Variants in SARDH observed in about 807,000 individuals in gnomAD.
SARDH encodes sarcosine dehydrogenase, also known as sarcosine dehydrogenase, mitochondrial.
Under a neutral mutation model 109.1 loss-of-function variants are expected in SARDH, and 95 were observed. The ratio of observed to expected loss-of-function variants is 0.87; its 90% CI spans 0.74 to 1.03. SARDH has a LOEUF of 1.03. Ranked by LOEUF, SARDH falls within the 50% of genes least tolerant of loss-of-function variation. SARDH has a pLI of 0.00. For synonymous variants in SARDH, 572 were observed against 534.8 expected (o/e 1.07, Z -0.96); for missense variants, 1,267 against 1,287.8 (o/e 0.98, Z 0.25).
chr9:133,659,744 C>T (rs912585668), downstream of SARDH, among the ~76,000 whole-genome samples: 1 of 152,134 alleles, frequency 6.6e-6, no homozygotes, highest in African/African-American at 2.4e-5. Flanking sequence ...TCTTGTGGTC[C>T]ATAAGTCACG....
chr9:133,679,981 G>A (rs748945697), intron 17 of SARDH, among the ~76,000 whole-genome samples: 2 of 152,208 alleles, frequency 1.3e-5, no homozygotes, highest in Non-Finnish European at 2.9e-5. Flanking sequence ...CTGGTTGGCT[G>A]GAACCCAACT....
chr9:133,663,762 G>C lies in SARDH; in HGVS notation c.*127C>G. 3.7e-6 allele frequency: 5 copies of C among 1,349,490 alleles called. No individual in the cohort carries two copies. The South Asian group carries it at 6.9e-5, about 19-fold the overall frequency. The allele number at this position is 1,349,490 out of a possible 1,614,324, so 83.6% of individuals were successfully genotyped here. Reference sequence around the variant, plus strand: ...GTATCTGGTTTGGGGGTTTTCGCAGGACTAGGCCTAGGCTAAGGACAGGGA... The same window carrying C: ...GTATCTGGTTTGGGGGTTTTCGCAGCACTAGGCCTAGGCTAAGGACAGGGA... On this transcript the variant is annotated 3_prime_UTR_variant, in exon 21 of 21. Transcript: ENST00000439388.
At chr9:133,736,645 C>T (rs1832895848) in intron 1 of SARDH, among the ~76,000 whole-genome samples, 1 of 152,232 alleles carries the variant, frequency 6.6e-6, no homozygotes, top group Non-Finnish European at 1.5e-5. Flanking sequence ...ATCCGCCTGC[C>T]TCGGCCTCCC....
chr9:133,696,111 G>C, intron 14 of SARDH, 112 bp downstream of exon 14: 1 of 1,320,620 alleles, frequency 7.6e-7, no homozygotes, highest in Non-Finnish European at 1.1e-6. Context: ...AGGGCAAGGA[G>C]CAGTGTGCTC....
chr9:133,734,858 C>G (rs1450353423), intron 1 of SARDH, among the ~76,000 whole-genome samples: 3 of 152,192 alleles, frequency 2.0e-5, no homozygotes, highest in African/African-American at 7.2e-5. Context: ...CCTTTCGGAG[C>G]TCAAGATGCT....
chr9:133,698,245 T>C (rs1831361203), intron 13 of SARDH, among the ~76,000 whole-genome samples: 1 of 152,160 alleles, frequency 6.6e-6, no homozygotes, highest in East Asian at 1.9e-4. Flanking sequence ...TCCTAAAATC[T>C]AGATTTTTTG....
rs1829973852 is a variant in SARDH at position 133,664,089 on chromosome 9, G to A, written c.2632-75C>T. On this transcript the variant is annotated intron_variant, in intron 20 of 20. Transcript: ENST00000439388. ...GCTCACGTCTGCCTGCTTCTCTGGAGGAGGGGGTCTTGGTCTTGCTACCTG... is the reference window on the plus strand; with the variant it reads ...GCTCACGTCTGCCTGCTTCTCTGGAAGAGGGGGTCTTGGTCTTGCTACCTG... 1.9e-6 allele frequency: 3 copies of A among 1,562,294 alleles called. No individual in the cohort carries two copies. The African/African-American group carries it at 4.1e-5, about 21-fold the overall frequency.
intron 8 of SARDH, 121 bp downstream of exon 8, chr9:133,717,205 G>GA: frequency 7.9e-7 from 1 of 1,266,062 alleles, no homozygotes; most frequent in Non-Finnish European, 1.1e-6. Context: ...CAGCGAGAGG[G>GA]ACCGGGGACA....
chr9:133,707,966 GC>G (rs1181185096), intron 11 of SARDH, among the ~76,000 whole-genome samples: 1 of 152,092 alleles, frequency 6.6e-6, no homozygotes, highest in Non-Finnish European at 1.5e-5. Context: ...CCAAGACCCC[GC>G]CCCCAGGACC....
chr9:133,671,501 C>T lies in SARDH; in HGVS notation c.2326+34G>A, dbSNP rs759502926. 8.4e-6 allele frequency: 13 copies of T among 1,547,872 alleles called. No homozygotes were observed. In the African/African-American group the frequency reaches 1.8e-4, roughly 21 times the overall value. On this transcript the variant is annotated intron_variant, in intron 18 of 20. Coordinates refer to ENST00000439388, the MANE Select transcript of SARDH (RefSeq NM_001134707.2). The stretch of plus-strand genomic sequence containing the variant: ...GCGTCACTGCCCCCCACTGCGCCCG[C>T]CCCCGCCCCGTGCTGTCCAGACCCT...
rs765374560 is a variant in SARDH, at chr9:133,708,194, T to G, written c.1470+93A>C. 1.7e-4 allele frequency: 242 copies of G among 1,435,902 alleles called. 1 individual carries two copies. Among genetic ancestry groups the G allele is most frequent in the Non-Finnish European group, 2.2e-4 (236 of 1,072,378 alleles). 88.9% of individuals were successfully genotyped at this position (1,435,902 alleles called of 1,614,324 possible). On this transcript the variant is annotated intron_variant, in intron 11 of 20. Coordinates refer to ENST00000439388, the MANE Select transcript of SARDH (RefSeq NM_001134707.2). The stretch of plus-strand genomic sequence containing the variant: ...CCTTGTCACCGCACCTGACCTGCGG[T>G]TGGGGTACACCTTGCATTTCTGTCA...
At chr9:133,701,193 A>C (rs995388101) in intron 13 of SARDH, among the ~76,000 whole-genome samples, 2 of 152,224 alleles carry the variant, frequency 1.3e-5, no homozygotes, top group Non-Finnish European at 1.5e-5. Flanking sequence ...GACTGGATTG[A>C]AATCAGCCAT....
chr9:133,684,582 G>C (rs750380580), intron 17 of SARDH, among the ~76,000 whole-genome samples: 21 of 152,198 alleles, frequency 1.4e-4, no homozygotes, highest in Non-Finnish European at 2.8e-4. Flanking sequence ...GGTCTCTGAG[G>C]GAGCCTCCTG....
chr9:133,730,351 C>T (rs559623838), intron 4 of SARDH, among the ~76,000 whole-genome samples, 164 bp from the exon 5 acceptor site: 5 of 152,174 alleles, frequency 3.3e-5, no homozygotes, highest in African/African-American at 9.6e-5. Context: ...ACCACAGCGC[C>T]AGAAAACTAG....
At chr9:133,739,327 G>T (rs1832985562), upstream of SARDH, among the ~76,000 whole-genome samples, 1 of 152,200 alleles carries the variant, frequency 6.6e-6, no homozygotes, top group Non-Finnish European at 1.5e-5. Flanking sequence ...TCAAATCATT[G>T]TGTTCTTATT....
intron 13 of SARDH, among the ~76,000 whole-genome samples, chr9:133,700,304 G>A (rs1831434802): frequency 6.6e-6 from 1 of 151,866 alleles, no homozygotes; most frequent in Non-Finnish European, 1.5e-5. Flanking sequence ...CCAGCCTGGG[G>A]CAACAGAGCA....
intron 11 of SARDH, among the ~76,000 whole-genome samples, chr9:133,706,106 C>G (rs1398787948): frequency 1.3e-5 from 2 of 152,338 alleles, no homozygotes; most frequent in East Asian, 3.9e-4. Context: ...AATTCCACTC[C>G]CAAGTATGCA....
rs938545919 is a variant in SARDH at position 133,692,653 on chromosome 9, C to T, written c.1921+1605G>A. 6.6e-6 allele frequency among the ~76,000 whole-genome samples: 1 copy of T among 152,164 alleles called. No individual in the cohort carries two copies. The highest frequency in any genetic ancestry group is 2.4e-5 in the African/African-American group (1 of 41,428). ...GGTGTTACGGGGCCCTTCCTGCCCCCGTCTGGACATACAGCCCACTGTGGG... is the reference window on the plus strand; with the variant it reads ...GGTGTTACGGGGCCCTTCCTGCCCCTGTCTGGACATACAGCCCACTGTGGG... On this transcript the variant is annotated intron_variant, in intron 15 of 20. Coordinates refer to ENST00000439388, the MANE Select transcript of SARDH (RefSeq NM_001134707.2). This position sits in a 1 kb window ranked among gnomAD's most constrained non-coding sequence, Gnocchi z 5.0.
At chr9:133,688,153 T>C (rs1830951903) in intron 16 of SARDH, among the ~76,000 whole-genome samples, 1 of 151,770 alleles carries the variant, frequency 6.6e-6, no homozygotes, top group African/African-American at 2.4e-5. Flanking sequence ...CCCCTCCCTC[T>C]ACCCCAGAGA....
Sources: allele counts gnomAD v4.1 joint callset (sites outside exome capture counted in the v4.1 genomes callset), GRCh38; gene constraint gnomAD v4.1.1; non-coding constraint Gnocchi (gnomAD v3.1); transcripts MANE v1.5; gene names NCBI Gene and HGNC (gene_info 2026-07-23, HGNC 2026-07-21).